Variants in TTC4 observed in about 807,000 individuals in gnomAD.
TTC4 encodes the protein hsp70/Hsp90 co-chaperone CNS1 homolog.
TTC4 carries 36 observed loss-of-function variants against 51.9 expected under a neutral mutation model. That is an observed-to-expected ratio of 0.69 (90% CI 0.53 to 0.92). The LOEUF (loss-of-function observed/expected upper bound fraction) is 0.92, where lower values mean the gene tolerates loss of function less well. Among genes scored for constraint, TTC4 ranks in the 40% least tolerant of loss-of-function variants. The pLI is 0.00. For missense variants in TTC4, 399 were observed against 454.6 expected, an observed-to-expected ratio of 0.88 and a Z score of 1.11; for synonymous variants, 144 against 164.2, an observed-to-expected ratio of 0.88 and a Z score of 0.94.
chr1:54,716,517 A>G, intron 1 of TTC4, 83 bp from the exon 2 acceptor site: 1 of 1,100,570 alleles, frequency 9.1e-7, no homozygotes, highest in Non-Finnish European at 1.3e-6. Context: ...ATGATGAGTA[A>G]AAAAACTTTG....
chr1:54,725,923 G>A (rs12097424), intron 5 of TTC4, among the ~76,000 whole-genome samples: 19,079 of 152,146 alleles, frequency 0.13, 1,679 homozygotes, highest in African/African-American at 0.24. Flanking sequence ...AGATTATCCA[G>A]TCTGAAGAAC....
chr1:54,741,737 C>A lies in TTC4; in HGVS notation c.*224C>A. On this transcript the variant is annotated 3_prime_UTR_variant, in exon 10 of 10. Coordinates refer to ENST00000371281, the MANE Select transcript of TTC4 (RefSeq NM_004623.5). ...GTTGATATAAAACTCTGGGTCTTGG[C>A]CATGATGTCCTTGGACTCCATCGCT... 1 of 571,862 alleles carries A rather than the reference C, an allele frequency of 1.7e-6. No individual in the cohort carries two copies. The highest frequency in any genetic ancestry group is 3.1e-6 in the Non-Finnish European group (1 of 321,520). The allele number at this position is 571,862 out of a possible 1,614,324, so 35.4% of individuals were successfully genotyped here.
At position 54,721,216 on chromosome 1, in the gene TTC4, T is replaced by C. The variant is rs1049293082; in HGVS notation, c.445T>C (p.Cys149Arg). 23 of 1,613,434 alleles carry C rather than the reference T, an allele frequency of 1.4e-5. No individual in the cohort carries two copies. Among genetic ancestry groups the C allele is most frequent in the Non-Finnish European group, 1.9e-5 (22 of 1,179,508 alleles). Residue 149 changes from cysteine to arginine, a missense_variant, in exon 4 of 10, where the codon TGC becomes CGC. Coordinates refer to ENST00000371281, the MANE Select transcript of TTC4 (RefSeq NM_004623.5). The part of the protein sequence containing the change: ...DVTAARKLKP[C>R]HLKAIIRGAL... ...GACAGCTGCCAGAAAGCTAAAACCC[T>C]GCCACCTCAAAGCAATAATAAGAGG...
At chr1:54,732,937 A>T (rs1645885467) in intron 7 of TTC4, among the ~76,000 whole-genome samples, 1 of 151,756 alleles carries the variant, frequency 6.6e-6, no homozygotes, top group Admixed American at 6.6e-5. Context: ...AATATAAAAA[A>T]TTAGCCGGGC....
intron 7 of TTC4, among the ~76,000 whole-genome samples, chr1:54,733,153 C>T (rs1274594935): frequency 1.4e-5 from 2 of 147,044 alleles, no homozygotes; most frequent in Non-Finnish European, 3.0e-5. Flanking sequence ...GCAGGGCTCA[C>T]ACCTGTAATC....
chr1:54,733,855 T>G, intron 8 of TTC4, 145 bp downstream of exon 8: 1 of 574,664 alleles, frequency 1.7e-6, no homozygotes, highest in Non-Finnish European at 2.9e-6. Flanking sequence ...TTTTAACCAT[T>G]TTTAGGTATA....
intron 8 of TTC4, among the ~76,000 whole-genome samples, chr1:54,736,191 A>T (rs1645932556): frequency 1.8e-5 from 2 of 111,340 alleles, no homozygotes; most frequent in South Asian, 3.3e-4. Context: ...AGAGAGAGAG[A>T]GAGAGAGAGA....
At chr1:54,732,563 A>T (rs1645880489) in intron 7 of TTC4, among the ~76,000 whole-genome samples, 1 of 150,668 alleles carries the variant, frequency 6.6e-6, no homozygotes, top group Non-Finnish European at 1.5e-5. Flanking sequence ...GGCTCAGGTG[A>T]TCCTCCTGCC....
intron 9 of TTC4, among the ~76,000 whole-genome samples, chr1:54,738,778 T>C (rs1645978068): frequency 6.6e-6 from 1 of 151,752 alleles, no homozygotes; most frequent in South Asian, 2.1e-4. Context: ...TTCTCCTGCC[T>C]CAGCTTCCTG....
intron 5 of TTC4, among the ~76,000 whole-genome samples, chr1:54,723,882 A>G (rs1645771973): frequency 1.3e-5 from 2 of 152,286 alleles, no homozygotes; most frequent in Admixed American, 6.5e-5. Flanking sequence ...ATATATCATC[A>G]GCAATGACCA....
intron 4 of TTC4, among the ~76,000 whole-genome samples, chr1:54,721,472 TAAAAC>T (rs1298667342): frequency 2.6e-5 from 4 of 152,272 alleles, no homozygotes; most frequent in African/African-American, 9.6e-5. Context: ...TAAAATTAAT[TAAAAC>T]AAAGCAGTTG....
rs1424070386 is a variant in TTC4 at position 54,742,595 on chromosome 1, G to A, written c.*1082G>A. The A allele has an allele frequency of 6.6e-6, 1 of 152,258 alleles. No individual in the cohort carries two copies. The highest frequency in any genetic ancestry group is 2.4e-5 in the African/African-American group (1 of 41,454). The allele number at this position is 152,258 out of a possible 1,614,324, so 9.4% of individuals were successfully genotyped here. A position where few individuals can be genotyped will look rare whatever the true frequency, so the allele number is the denominator to read the frequency against. Reference sequence around the variant, plus strand: ...CTGTAGTAAGCAGTGAGATTTAGGGGTTGGTTGTTACTATAGCAGAGCTAA... The same window carrying A: ...CTGTAGTAAGCAGTGAGATTTAGGGATTGGTTGTTACTATAGCAGAGCTAA... On this transcript the variant is annotated 3_prime_UTR_variant, in exon 10 of 10. Transcript: ENST00000371281.
Position 54,741,729 on chromosome 1 carries a change from G to T in TTC4, c.*216G>T. On this transcript the variant is annotated 3_prime_UTR_variant, in exon 10 of 10. Transcript: ENST00000371281. ...TTTCCTCAGTTGATATAAAACTCTG[G>T]GTCTTGGCCATGATGTCCTTGGACT... 1 of 578,766 alleles carries T rather than the reference G, an allele frequency of 1.7e-6. No individual in the cohort carries two copies. Among genetic ancestry groups the T allele is most frequent in the Non-Finnish European group, 3.1e-6 (1 of 326,016 alleles). 35.9% of individuals were successfully genotyped at this position (578,766 alleles called of 1,614,324 possible).
intron 2 of TTC4, among the ~76,000 whole-genome samples, chr1:54,717,257 C>CT (rs962784659): frequency 5.3e-5 from 8 of 151,910 alleles, no homozygotes; most frequent in Admixed American, 1.3e-4. Flanking sequence ...CTTTATACTT[C>CT]TTTTTTTTGG....
At chr1:54,732,291 A>C (rs1415724479) in intron 7 of TTC4, among the ~76,000 whole-genome samples, 1 of 141,894 alleles carries the variant, frequency 7.0e-6, no homozygotes. Context: ...ACTACACTCC[A>C]GCCTGGGTGA....
chr1:54,736,175 GGAGAGAGAGA>G (rs11292044), intron 8 of TTC4, among the ~76,000 whole-genome samples: 1,251 of 100,710 alleles, frequency 0.012, 23 homozygotes, highest in East Asian at 0.044. Flanking sequence ...AAGAAAGAAA[GGAGAGAGAGA>G]GAGAGAGAGA....
At position 54,736,175 on chromosome 1, in the gene TTC4, G is replaced by GGAGAGAGAGAGAGAGAGAGAGA. The variant is rs11292044; in HGVS notation, c.979-1380_979-1359dup. 1.1e-4 allele frequency among the ~76,000 whole-genome samples: 11 copies of GGAGAGAGAGAGAGAGAGAGAGA among 100,664 alleles called. 1 individual carries two copies. The highest frequency in any genetic ancestry group is 1.9e-4 in the Non-Finnish European group (10 of 52,010). The allele number at this position is 100,664 out of a possible 152,430, so 66.0% of individuals were successfully genotyped here. A position where few individuals can be genotyped will look rare whatever the true frequency, so the allele number is the denominator to read the frequency against. ...GGAGAAAGAGAGAGAAAGAAAGAAA[G>GGAGAGAGAGAGAGAGAGAGAGA]GAGAGAGAGAGAGAGAGAGAGAGAG... is the stretch of plus-strand genomic sequence containing the variant. On this transcript the variant is annotated intron_variant, in intron 8 of 9. Transcript: ENST00000371281.
chr1:54,733,512 A>T, intron 7 of TTC4, 117 bp from the exon 8 acceptor site: 2 of 649,454 alleles, frequency 3.1e-6, no homozygotes, highest in Non-Finnish European at 5.0e-6. Context: ...CAAATGGGTT[A>T]AGCCTGCATT....
chr1:54,721,862 G>T (rs1273041643), intron 4 of TTC4, among the ~76,000 whole-genome samples: 1 of 152,206 alleles, frequency 6.6e-6, no homozygotes, highest in Non-Finnish European at 1.5e-5. Context: ...GGAAAAGAAG[G>T]TACTGAACAA....
Sources: allele counts gnomAD v4.1 joint callset (sites outside exome capture counted in the v4.1 genomes callset), GRCh38; gene constraint gnomAD v4.1.1; transcripts MANE v1.5; gene names NCBI Gene and HGNC (gene_info 2026-07-23, HGNC 2026-07-21).